RASEF: variants seen among roughly 807,000 people sequenced by gnomAD.
RASEF encodes RAS and EF-hand domain containing, also known as ras and EF-hand domain-containing protein.
A neutral mutation model predicts 90.1 loss-of-function variants in RASEF; 68 were observed. That is an observed-to-expected ratio of 0.75 (90% CI 0.62 to 0.92). RASEF has a LOEUF of 0.92. RASEF is among the 40% of genes least tolerant of loss of function. The pLI, the probability that RASEF is intolerant of heterozygous loss-of-function variation, is 0.00. For missense variants in RASEF, 949 were observed against 937.2 expected, an observed-to-expected ratio of 1.01 and a Z score of -0.16; for synonymous variants, 331 against 345.2, an observed-to-expected ratio of 0.96 and a Z score of 0.46.
chr9:83,170,608 T>C, the RASEF span, among the ~76,000 whole-genome samples: 12 of 151,960 alleles, frequency 7.9e-5, no homozygotes, highest in African/African-American at 2.9e-4. Flanking sequence ...CAGTGTTTTA[T>C]AGCTTTCATT....
chr9:83,096,807 G>C, the RASEF span, among the ~76,000 whole-genome samples: 1 of 151,240 alleles, frequency 6.6e-6, no homozygotes, highest in African/African-American at 2.4e-5. Context: ...ACAGGCCCCG[G>C]TGTGTGATAT....
At position 83,010,808 on chromosome 9, in the gene RASEF, A is replaced by C. The variant is rs571630131; in HGVS notation, c.844-1052T>G. Reference sequence around the variant, plus strand: ...TCACACACAGAGCTCCTTGGAAGACACTCTCTCGGGAGAAAGGCCTTCAGG... The same window carrying C: ...TCACACACAGAGCTCCTTGGAAGACCCTCTCTCGGGAGAAAGGCCTTCAGG... On this transcript the variant is annotated intron_variant, in intron 5 of 16. Coordinates refer to ENST00000376447, the MANE Select transcript of RASEF (RefSeq NM_152573.4). Among the ~76,000 whole-genome samples the C allele has an allele frequency of 3.9e-5, 6 of 151,978 alleles. No individual in the cohort carries two copies. The South Asian group carries it at 8.3e-4, about 21-fold the overall frequency.
At chr9:83,093,036 C>A in the RASEF span, among the ~76,000 whole-genome samples, 1 of 151,834 alleles carries the variant, frequency 6.6e-6, no homozygotes, top group Non-Finnish European at 1.5e-5. Context: ...TATAAAGGTT[C>A]TCCAAGGCCC....
At chr9:83,093,370 G>C in the RASEF span, among the ~76,000 whole-genome samples, 1 of 152,202 alleles carries the variant, frequency 6.6e-6, no homozygotes, top group African/African-American at 2.4e-5. Flanking sequence ...GGGGAGGCTC[G>C]GGCAGCACAG....
At chr9:83,129,987 G>T in the RASEF span, among the ~76,000 whole-genome samples, 1 of 152,216 alleles carries the variant, frequency 6.6e-6, no homozygotes, top group Non-Finnish European at 1.5e-5. Flanking sequence ...AGATTCCAAG[G>T]CATGGTGTGA....
chr9:83,048,379 G>A (rs1445040380), intron 1 of RASEF: 3 of 985,380 alleles, frequency 3.0e-6, no homozygotes, highest in Non-Finnish European at 3.6e-6. Flanking sequence ...TCTGGACCCA[G>A]GCCATCTACC....
the RASEF span, among the ~76,000 whole-genome samples, chr9:83,192,189 G>A: frequency 6.6e-6 from 1 of 152,086 alleles, no homozygotes; most frequent in African/African-American, 2.4e-5. Flanking sequence ...GTTCAACCCA[G>A]CAATCCCACC....
At chr9:83,056,269 G>C (rs1018343717) in intron 1 of RASEF, among the ~76,000 whole-genome samples, 2 of 152,184 alleles carry the variant, frequency 1.3e-5, no homozygotes, top group Non-Finnish European at 2.9e-5. Flanking sequence ...ATGTGTCATA[G>C]ATAAATTCCA....
the RASEF span, among the ~76,000 whole-genome samples, chr9:83,183,252 T>TTG: frequency 1.3e-5 from 1 of 75,644 alleles, no homozygotes. Flanking sequence ...ATACACAGAT[T>TTG]TGTGTGTGTG....
intron 1 of RASEF, among the ~76,000 whole-genome samples, chr9:83,039,310 T>A (rs545865659): frequency 6.6e-6 from 1 of 152,300 alleles, no homozygotes; most frequent in East Asian, 1.9e-4. Context: ...ACCTTCCCAG[T>A]TACCCTATCA....
In RASEF at chr9:83,049,168, T is replaced by A; in HGVS notation, c.431+13269A>T. On this transcript the variant is annotated intron_variant, in intron 1 of 16. Transcript: ENST00000376447. ...AATCCTGTGAATTCCAGAGTTGACT[T>A]AAACATTGCTTATAACATATTACAC... is the stretch of plus-strand genomic sequence containing the variant. 3 of 305,020 alleles carry A rather than the reference T, an allele frequency of 9.8e-6. 1 individual carries two copies. The South Asian group carries it at 3.8e-4, about 39-fold the overall frequency. 18.9% of individuals were successfully genotyped at this position (305,020 alleles called of 1,614,324 possible).
the RASEF span, among the ~76,000 whole-genome samples, chr9:83,069,925 A>C: frequency 6.6e-6 from 1 of 152,188 alleles, no homozygotes; most frequent in Non-Finnish European, 1.5e-5. Context: ...ACAACTTTTC[A>C]TATGTCTATC....
At chr9:83,203,100 A>G in the RASEF span, among the ~76,000 whole-genome samples, 11 of 152,194 alleles carry the variant, frequency 7.2e-5, no homozygotes, top group Non-Finnish European at 1.0e-4. Context: ...TGCCCCATAT[A>G]TATAATCAAT....
chr9:83,106,155 C>T, the RASEF span, among the ~76,000 whole-genome samples: 1 of 152,170 alleles, frequency 6.6e-6, no homozygotes, highest in Admixed American at 6.5e-5. Flanking sequence ...GCTAGCTCTC[C>T]GGAAATGCTG....
At chr9:83,137,558 CA>C in the RASEF span, among the ~76,000 whole-genome samples, 1 of 152,002 alleles carries the variant, frequency 6.6e-6, no homozygotes, top group Admixed American at 6.6e-5. Flanking sequence ...TAGATGGGTT[CA>C]TGCTGGGAAT....
chr9:83,153,218 A>G, the RASEF span, among the ~76,000 whole-genome samples: 2 of 152,032 alleles, frequency 1.3e-5, no homozygotes, highest in Non-Finnish European at 2.9e-5. Flanking sequence ...CTTATACACC[A>G]TGTATATTCA....
At chr9:83,092,428 G>A in the RASEF span, among the ~76,000 whole-genome samples, 1 of 151,940 alleles carries the variant, frequency 6.6e-6, no homozygotes, top group South Asian at 2.1e-4. Flanking sequence ...TGGTGGGTTC[G>A]TGGTCTTGCT....
chr9:83,106,493 C>T, the RASEF span, among the ~76,000 whole-genome samples: 1 of 152,150 alleles, frequency 6.6e-6, no homozygotes, highest in African/African-American at 2.4e-5. Context: ...TCAGCACATG[C>T]TCATACCCTT....
At chr9:82,996,098 T>C (rs1828914412) in intron 14 of RASEF, among the ~76,000 whole-genome samples, 2 of 152,324 alleles carry the variant, frequency 1.3e-5, no homozygotes, top group Middle Eastern at 3.4e-3. Context: ...AAAGTCTTAC[T>C]GCCAATTGCA....
Sources: allele counts gnomAD v4.1 joint callset (sites outside exome capture counted in the v4.1 genomes callset), GRCh38; gene constraint gnomAD v4.1.1; transcripts MANE v1.5; gene names NCBI Gene and HGNC (gene_info 2026-07-23, HGNC 2026-07-21).